The following OGG1 variants were observed in gnomAD, a reference collection of about 807,000 sequenced individuals.
OGG1 encodes 8-oxoguanine DNA glycosylase, also known as N-glycosylase/DNA lyase.
Under a neutral mutation model 42.3 loss-of-function variants are expected in OGG1, and 35 were observed. The observed-to-expected ratio is 0.83, with a 90% CI of 0.63 to 1.10. OGG1 has a LOEUF of 1.10. OGG1 is among the 50% of genes least tolerant of loss of function. OGG1 has a pLI of 0.00. For missense variants in OGG1, 484 were observed against 446.7 expected, an observed-to-expected ratio of 1.08 and a Z score of -0.75; for synonymous variants, 189 against 179.0, an observed-to-expected ratio of 1.06 and a Z score of -0.44.
Position 9,750,061 on chromosome 3 carries a change from C to T in OGG1, c.-226C>T. The T allele has an allele frequency of 1.6e-6, 1 of 609,864 alleles. No individual in the cohort carries two copies. The highest frequency in any genetic ancestry group is 2.1e-5 in the South Asian group (1 of 47,886). 37.8% of individuals were successfully genotyped at this position (609,864 alleles called of 1,614,324 possible). A position where few individuals can be genotyped will look rare whatever the true frequency, so the allele number is the denominator to read the frequency against. On this transcript the variant is annotated 5_prime_UTR_variant, in exon 1 of 7. Coordinates refer to ENST00000344629, the MANE Select transcript of OGG1 (RefSeq NM_002542.6). The stretch of plus-strand genomic sequence containing the variant: ...CGCAAGGAGGGGGCGGGACCTACAC[C>T]TCAGGAAAGCCGGAGAATTGGGGCA...
In OGG1 at chr3:9,750,339, C is replaced by T; in HGVS notation, c.53C>T (p.Ser18Phe). The T allele has an allele frequency of 6.2e-7, 1 of 1,613,984 alleles. No individual in the cohort carries two copies. Reference sequence around the variant, plus strand: ...CGCATGGGGCATCGTACTCTAGCCTCCACTCCTGCCCTGTGGGCCTCCATC... The same window carrying T: ...CGCATGGGGCATCGTACTCTAGCCTTCACTCCTGCCCTGTGGGCCTCCATC... ...PRRMGHRTLA[S>F]TPALWASIPC... The change falls in exon 1 of 7, where the codon TCC becomes TTC. Residue 18 changes from serine (S) to phenylalanine (F), a missense_variant. Physicochemically the swap from Ser to Phe is radical, Grantham distance 155. Transcript: ENST00000344629.
chr3:9,770,868 G>C (rs922999189), downstream of OGG1, among the ~76,000 whole-genome samples: 3 of 152,004 alleles, frequency 2.0e-5, no homozygotes, highest in Admixed American at 6.6e-5. Context: ...CACGTTGCTT[G>C]GGACCCCACT....
downstream of OGG1, chr3:9,759,070 C>T (rs961167223): frequency 1.2e-5 from 10 of 849,834 alleles, no homozygotes; most frequent in African/African-American, 1.5e-4. Context: ...CTAAATTGGG[C>T]TCCTGCCTCT....
chr3:9,763,852 G>A (rs563977538), intron 7 of OGG1, among the ~76,000 whole-genome samples: 16 of 152,238 alleles, frequency 1.1e-4, no homozygotes, highest in African/African-American at 2.9e-4. Context: ...CAGGCATGGT[G>A]GCACATGCCT....
intron 7 of OGG1, chr3:9,762,856 G>A (rs1463015055): frequency 6.4e-7 from 1 of 1,568,322 alleles, no homozygotes; most frequent in South Asian, 1.1e-5. Flanking sequence ...GACAGTTTGG[G>A]GTTTGCAAAG....
intron 7 of OGG1, chr3:9,763,304 G>C: frequency 6.6e-7 from 1 of 1,523,428 alleles, no homozygotes; most frequent in Non-Finnish European, 9.0e-7. Context: ...GAGGCAGGAG[G>C]ATCACTTGGC....
intron 3 of OGG1, chr3:9,783,855 T>G: frequency 8.5e-7 from 1 of 1,170,086 alleles, no homozygotes; most frequent in Non-Finnish European, 1.1e-6. Flanking sequence ...GGAATCAGAA[T>G]TTGTTTGGGA....
chr3:9,751,153 G>A lies in OGG1; in HGVS notation c.346G>A (p.Val116Met), dbSNP rs1426795348. ...LAQLYHHWGS[V>M]DSHFQEVAQK... ...TCAACTGTATCACCACTGGGGTTCC[G>A]TGGACTCCCACTTCCAAGAGGTGGC... The change falls in exon 2 of 7, where the codon GTG (valine) becomes ATG (methionine). Residue 116 changes from valine (V) to methionine (M), a missense_variant. Transcript: ENST00000344629. 3.7e-6 allele frequency: 6 copies of A among 1,614,108 alleles called. No individual in the cohort carries two copies. The highest frequency in any genetic ancestry group is 2.2e-5 in the East Asian group (1 of 44,884).
chr3:9,787,776 G>A, exon 4 of OGG1: 2 of 1,189,416 alleles, frequency 1.7e-6, no homozygotes, highest in Non-Finnish European at 2.2e-6. Context: ...AGAGATCAAA[G>A]TGTTGTGGCA....
chr3:9,772,826 C>T (rs1261971482), intron 2 of OGG1, among the ~76,000 whole-genome samples: 1 of 152,202 alleles, frequency 6.6e-6, no homozygotes, highest in Non-Finnish European at 1.5e-5. Flanking sequence ...ACAACACTCT[C>T]AGCCGGGCCC....
intron 7 of OGG1, among the ~76,000 whole-genome samples, chr3:9,763,623 C>T (rs780757314): frequency 9.2e-5 from 14 of 152,230 alleles, no homozygotes; most frequent in Non-Finnish European, 1.6e-4. Flanking sequence ...AAATCCTGCC[C>T]GTCACATGCT....
chr3:9,787,814 T>C, exon 4 of OGG1: 1 of 875,208 alleles, frequency 1.1e-6, no homozygotes, highest in Non-Finnish European at 1.6e-6. Context: ...ACTAACTTTC[T>C]GCTGGGGAAT....
downstream of OGG1, chr3:9,761,495 C>T: frequency 6.2e-7 from 1 of 1,613,434 alleles, no homozygotes; most frequent in Non-Finnish European, 8.5e-7. Flanking sequence ...GACCAGCAAT[C>T]CACAGCCTTG....
At chr3:9,760,736 T>C, downstream of OGG1, 1 of 1,614,054 alleles carries the variant, frequency 6.2e-7, no homozygotes, top group Non-Finnish European at 8.5e-7. Context: ...TTTGGCATCA[T>C]TCTCGTCATA....
At chr3:9,769,547 C>T (rs1209178946), downstream of OGG1, among the ~76,000 whole-genome samples, 1 of 152,200 alleles carries the variant, frequency 6.6e-6, no homozygotes, top group East Asian at 1.9e-4. Context: ...CAAGCCCCCC[C>T]ACCCCATGGA....
At chr3:9,768,360 C>A, downstream of OGG1, among the ~76,000 whole-genome samples, 1 of 152,236 alleles carries the variant, frequency 6.6e-6, no homozygotes, top group East Asian at 1.9e-4. Flanking sequence ...ACCTCTCCCT[C>A]CTGACTCCCC....
downstream of OGG1, chr3:9,757,560 G>T: frequency 3.1e-6 from 5 of 1,614,018 alleles, no homozygotes; most frequent in Non-Finnish European, 4.2e-6. This position sits in a 1 kb window ranked among gnomAD's most constrained non-coding sequence, Gnocchi z 4.5. Flanking sequence ...GGGGCAGTGT[G>T]GGGGACAGTT....
chr3:9,764,638 T>G (rs1230467320), intron 7 of OGG1, among the ~76,000 whole-genome samples: 1 of 147,932 alleles, frequency 6.8e-6, no homozygotes, highest in African/African-American at 2.5e-5. Flanking sequence ...GTTTTTTTTT[T>G]TTTTTTTGAG....
intron 3 of OGG1, among the ~76,000 whole-genome samples, chr3:9,753,930 G>A (rs1275665028): frequency 6.6e-6 from 1 of 152,006 alleles, no homozygotes; most frequent in Non-Finnish European, 1.5e-5. Context: ...TTGAGCCCAG[G>A]AGTTTGAGAC....
Sources: gnomAD v4.1 joint callset for allele counts (sites outside exome capture counted in the v4.1 genomes callset) on GRCh38, gnomAD v4.1.1 for gene constraint, Gnocchi (gnomAD v3.1) non-coding constraint, MANE v1.5 for transcripts, NCBI Gene and HGNC (gene_info 2026-07-23, HGNC 2026-07-21) for gene names.